SEMA6D: variants seen among roughly 807,000 people sequenced by gnomAD.
SEMA6D encodes semaphorin 6D.
A neutral mutation model predicts 106.6 loss-of-function variants in SEMA6D; 35 were observed. The observed-to-expected ratio is 0.33, with a 90% CI of 0.25 to 0.44. The LOEUF (loss-of-function observed/expected upper bound fraction) is 0.44. SEMA6D is among the 20% of genes least tolerant of loss of function. SEMA6D has a pLI of 1.00. For missense variants in SEMA6D, 1,185 were observed against 1,345.9 expected, an observed-to-expected ratio of 0.88 and a Z score of 1.87; for synonymous variants, 499 against 487.7, an observed-to-expected ratio of 1.02 and a Z score of -0.31.
chr15:47,568,193 TAA>T lies in SEMA6D; in HGVS notation c.-86-32658_-86-32657del, dbSNP rs61077223. On this transcript the variant is annotated intron_variant, in intron 3 of 19. Transcript: ENST00000558014. ...AAAAAAAAAAACTGATTTTGCCATT[TAA>T]AAAAAAAAAAAAAGACAAAAACCGC... 8.8e-3 allele frequency among the ~76,000 whole-genome samples: 1,249 copies of T among 141,140 alleles called. 25 individuals are homozygous for T. The highest frequency in any genetic ancestry group is 0.028 in the African/African-American group (1,060 of 38,192). 92.6% of individuals were successfully genotyped at this position (141,140 alleles called of 152,430 possible). A position where few individuals can be genotyped will look rare whatever the true frequency, so the allele number is the denominator to read the frequency against.
At chr15:47,375,322 G>A (rs1031031311) in intron 1 of SEMA6D, among the ~76,000 whole-genome samples, 2 of 152,132 alleles carry the variant, frequency 1.3e-5, no homozygotes, top group South Asian at 2.1e-4. Flanking sequence ...CTGCCTGTTT[G>A]TCAACTATGG....
chr15:47,214,274 G>T (rs2030342835), intron 1 of SEMA6D, among the ~76,000 whole-genome samples: 1 of 152,126 alleles, frequency 6.6e-6, no homozygotes, highest in Non-Finnish European at 1.5e-5. Context: ...ACAGGGTCAA[G>T]GATTCGTCTT....
chr15:47,730,087 G>A (rs1441584011), intron 1 of SEMA6D: 22 of 783,470 alleles, frequency 2.8e-5, no homozygotes, highest in Middle Eastern at 3.7e-4. Context: ...AGTTTTGAAG[G>A]AAAATTTATA....
intron 3 of SEMA6D, among the ~76,000 whole-genome samples, chr15:47,548,778 T>C (rs537446589): frequency 7.9e-5 from 12 of 152,262 alleles, no homozygotes; most frequent in Admixed American, 7.9e-4. Context: ...AAGTATGTTT[T>C]TGTGCACATA....
intron 2 of SEMA6D, among the ~76,000 whole-genome samples, chr15:47,469,349 T>C (rs1210581698): frequency 6.6e-6 from 1 of 151,938 alleles, no homozygotes; most frequent in East Asian, 1.9e-4. Context: ...TGCGTGTGTG[T>C]GTGTGTGTGT....
chr15:47,324,509 T>C (rs918239121), intron 1 of SEMA6D, among the ~76,000 whole-genome samples: 1 of 152,030 alleles, frequency 6.6e-6, no homozygotes, highest in African/African-American at 2.4e-5. Flanking sequence ...CAGCACTCCA[T>C]AGGGAAAATG....
At chr15:47,731,926 G>A (rs976068404) in intron 1 of SEMA6D, among the ~76,000 whole-genome samples, 3 of 152,110 alleles carry the variant, frequency 2.0e-5, no homozygotes, top group Admixed American at 6.5e-5. Flanking sequence ...TTAAATGATA[G>A]CCTTCAACGT....
rs558826179 is a variant in SEMA6D at position 47,458,744 on chromosome 15, C to CT, written c.-158-11723dup. Among the ~76,000 whole-genome samples, 49 of 151,954 alleles carry CT rather than the reference C, an allele frequency of 3.2e-4. No homozygotes were observed. The East Asian group carries it at 8.9e-3, about 28-fold the overall frequency. On this transcript the variant is annotated intron_variant, in intron 2 of 19. Transcript: ENST00000558014. ...GAAAGTGACTGATAGTACTAAACAC[C>CT]TTTTTTTAGGAAAGAAGAATGGTCT...
chr15:47,516,703 G>A (rs906193755), intron 3 of SEMA6D, among the ~76,000 whole-genome samples: 3 of 152,044 alleles, frequency 2.0e-5, no homozygotes, highest in African/African-American at 7.2e-5. Flanking sequence ...TGAGTGAGGT[G>A]CCTCACTTCT....
intron 2 of SEMA6D, among the ~76,000 whole-genome samples, chr15:47,465,329 A>T (rs893081415): frequency 5.3e-5 from 8 of 152,138 alleles, no homozygotes; most frequent in Non-Finnish European, 1.2e-4. Flanking sequence ...ATAAGCCCCT[A>T]AATATAGATG....
chr15:47,614,979 C>G (rs1392852074), intron 4 of SEMA6D, among the ~76,000 whole-genome samples: 1 of 152,104 alleles, frequency 6.6e-6, no homozygotes, highest in Admixed American at 6.5e-5. Context: ...TCCATACATT[C>G]AACAGATACA....
rs567468347 is a variant in SEMA6D at position 47,667,065 on chromosome 15, A to G, written c.-55+66169A>G. On this transcript the variant is annotated intron_variant, in intron 4 of 19. Coordinates refer to the SEMA6D transcript ENST00000558014. ...CTCCAGAAGATTCCAGCAGCGAGCC[A>G]ACCCATTCCGTCAGCCTCCACGTCT... 2.0e-5 allele frequency among the ~76,000 whole-genome samples: 3 copies of G among 152,316 alleles called. No individual in the cohort carries two copies. In the East Asian group the frequency reaches 5.8e-4, roughly 29 times the overall value.
intron 1 of SEMA6D, among the ~76,000 whole-genome samples, chr15:47,307,331 T>G (rs1329575673): frequency 6.6e-6 from 1 of 152,176 alleles, no homozygotes; most frequent in East Asian, 1.9e-4. Flanking sequence ...GTCTCGTCAC[T>G]TTTTTGCTAG....
chr15:47,563,078 A>T (rs1352886636), intron 3 of SEMA6D, among the ~76,000 whole-genome samples: 1 of 152,224 alleles, frequency 6.6e-6, no homozygotes, highest in Admixed American at 6.5e-5. Context: ...TGCTAGGTGT[A>T]AAAGACTACA....
At chr15:47,489,276 T>A (rs1430117923) in intron 3 of SEMA6D, among the ~76,000 whole-genome samples, 1 of 152,204 alleles carries the variant, frequency 6.6e-6, no homozygotes, top group African/African-American at 2.4e-5. Flanking sequence ...GGCACCGCCC[T>A]GCCAACACCT....
intron 1 of SEMA6D, among the ~76,000 whole-genome samples, chr15:47,332,547 A>G (rs2037382689): frequency 6.6e-6 from 1 of 152,206 alleles, no homozygotes; most frequent in Non-Finnish European, 1.5e-5. Flanking sequence ...TTTTTCTTTT[A>G]CCATGCAAGC....
chr15:47,562,680 G>T (rs1305479863), intron 3 of SEMA6D, among the ~76,000 whole-genome samples: 2 of 151,988 alleles, frequency 1.3e-5, no homozygotes, highest in Non-Finnish European at 2.9e-5. Flanking sequence ...TAGTAAAAAA[G>T]ACAGATGATA....
intron 3 of SEMA6D, among the ~76,000 whole-genome samples, chr15:47,562,639 A>T (rs2046114134): frequency 6.6e-6 from 1 of 152,086 alleles, no homozygotes; most frequent in Non-Finnish European, 1.5e-5. Flanking sequence ...TGCGAATTAA[A>T]ATCACAAAGA....
intron 4 of SEMA6D, among the ~76,000 whole-genome samples, chr15:47,620,003 A>G (rs1412375836): frequency 1.3e-5 from 2 of 152,126 alleles, no homozygotes; most frequent in Non-Finnish European, 2.9e-5. Context: ...ATGTGACTGA[A>G]AGGATGTGTC....
Sources: gnomAD v4.1 joint callset for allele counts (sites outside exome capture counted in the v4.1 genomes callset) on GRCh38, gnomAD v4.1.1 for gene constraint, MANE v1.5 for transcripts, NCBI Gene and HGNC (gene_info 2026-07-23, HGNC 2026-07-21) for gene names.